Variants in GRM4 observed in about 807,000 individuals in gnomAD.
The protein encoded by GRM4 is glutamate metabotropic receptor 4, also known as metabotropic glutamate receptor 4.
GRM4 carries 28 observed loss-of-function variants against 81.7 expected under a neutral mutation model. The observed-to-expected ratio is 0.34, with a 90% CI of 0.25 to 0.47. The LOEUF (loss-of-function observed/expected upper bound fraction) is 0.47. Among genes scored for constraint, GRM4 ranks in the 20% least tolerant of loss-of-function variants. GRM4 has a pLI of 1.00. For missense variants in GRM4, 948 were observed against 1,290.0 expected (o/e 0.73, Z 4.06); for synonymous variants, 488 against 528.8 (o/e 0.92, Z 1.06).
chr6:34,029,887 G>A (rs1719719651), intron 9 of GRM4, among the ~76,000 whole-genome samples: 2 of 152,230 alleles, frequency 1.3e-5, no homozygotes, highest in Non-Finnish European at 2.9e-5. Context: ...GCAGAGCTCC[G>A]AGGGGAAGGA....
At position 34,026,479 on chromosome 6, in the gene GRM4, G is replaced by GACCCCTCGGTCCCTCCCA. The variant is rs1201090754; in HGVS notation, c.2689+1623_2689+1640dup. 2.0e-5 allele frequency among the ~76,000 whole-genome samples: 3 copies of GACCCCTCGGTCCCTCCCA among 152,246 alleles called. No homozygotes were observed. In the East Asian group the frequency reaches 5.8e-4, roughly 29 times the overall value. ...CCTGCAGGGGGTCTGGGTGACCACA[G>GACCCCTCGGTCCCTCCCA]ACCCCTCGGTCCCTCCCAACCCCAG... On this transcript the variant is annotated intron_variant, in intron 10 of 10. Coordinates refer to ENST00000538487, the MANE Select transcript of GRM4 (RefSeq NM_000841.4).
At chr6:34,129,603 A>C (rs1770157177) in intron 2 of GRM4, among the ~76,000 whole-genome samples, 1 of 152,222 alleles carries the variant, frequency 6.6e-6, no homozygotes, top group Admixed American at 6.5e-5. Context: ...CAGACCTATG[A>C]GTTCCCAGAG....
intron 6 of GRM4, among the ~76,000 whole-genome samples, chr6:34,053,392 C>A (rs1189157671): frequency 6.6e-6 from 1 of 152,178 alleles, no homozygotes; most frequent in Non-Finnish European, 1.5e-5. Flanking sequence ...CCCCTCCCCC[C>A]AGGGTCTCAG....
chr6:34,122,154 G>A (rs116140476), intron 2 of GRM4, among the ~76,000 whole-genome samples: 3,865 of 152,170 alleles, frequency 0.025, 72 homozygotes, highest in African/African-American at 0.057. Flanking sequence ...AGGCCACCAA[G>A]GCTGAGGCTG....
chr6:34,107,791 C>T (rs894126760), intron 2 of GRM4, among the ~76,000 whole-genome samples: 1 of 152,192 alleles, frequency 6.6e-6, no homozygotes, highest in Non-Finnish European at 1.5e-5. Context: ...GAGGCCACTG[C>T]AATGGTCCAG....
At chr6:34,131,639 C>T (rs1040357133) in intron 2 of GRM4, among the ~76,000 whole-genome samples, 4 of 152,204 alleles carry the variant, frequency 2.6e-5, no homozygotes, top group Non-Finnish European at 5.9e-5. Context: ...ACACTGGGAC[C>T]ATCCTTTCCC....
chr6:34,042,165 C>G lies in GRM4; in HGVS notation c.1169-1417G>C, dbSNP rs1562018901. On this transcript the variant is annotated intron_variant, in intron 6 of 10. Coordinates refer to ENST00000538487, the MANE Select transcript of GRM4 (RefSeq NM_000841.4). The surrounding 1 kb of genome is among the most constrained non-coding windows in gnomAD (Gnocchi z 4.2). ...GCTGTAATCCCTGCTACTCAGGAGG[C>G]TGAGGCACAAGGATCACATGAACCC... Among the ~76,000 whole-genome samples, 1 of 152,236 alleles carries G rather than the reference C, an allele frequency of 6.6e-6. No homozygotes were observed. The highest frequency in any genetic ancestry group is 6.5e-5 in the Admixed American group (1 of 15,288).
chr6:34,077,727 T>C (rs978474251), intron 3 of GRM4, among the ~76,000 whole-genome samples: 4 of 152,172 alleles, frequency 2.6e-5, no homozygotes, highest in Non-Finnish European at 5.9e-5. Flanking sequence ...CTGCCTTTGA[T>C]GTCTGATTCA....
chr6:34,041,146 G>A (rs747736208), intron 6 of GRM4, among the ~76,000 whole-genome samples: 1 of 152,140 alleles, frequency 6.6e-6, no homozygotes, highest in Admixed American at 6.5e-5. Context: ...TGCCCCTCTC[G>A]AAGTCTGGGA....
chr6:34,028,243 G>A lies in GRM4; in HGVS notation c.2566C>T (p.Arg856Cys), dbSNP rs376715421. 14 of 1,614,090 alleles carry A rather than the reference G, an allele frequency of 8.7e-6. No homozygotes were observed. Among genetic ancestry groups the A allele is most frequent in the African/African-American group, 6.7e-5 (5 of 75,072 alleles). Residue 856 changes from arginine to cysteine, a missense_variant, in exon 10 of 11, where the codon CGC (arginine) becomes TGC (cysteine). By Grantham distance (180) the Arg-to-Cys change is radical (BLOSUM62 -3). Coordinates refer to ENST00000538487, the MANE Select transcript of GRM4 (RefSeq NM_000841.4). ...LFHPEQNVPK[R>C]KRSLKAVVTA... ...ACGACGGCTTTGAGGCTGCGCTTGC[G>A]CTTGGGCACGTTCTGCTCCGGGTGG...
At chr6:34,151,000 A>T (rs563534723), upstream of GRM4, among the ~76,000 whole-genome samples, 1 of 152,314 alleles carries the variant, frequency 6.6e-6, no homozygotes, top group South Asian at 2.1e-4. Flanking sequence ...ACAGGTCCTG[A>T]CTGTGCCCCT....
Position 34,089,742 on chromosome 6 carries a change from G to A in GRM4, c.736+2141C>T, listed in dbSNP as rs1397411938. ...TTTCTAACCGCCCAATACTTGATTA[G>A]ATGTTGATAAAAAAAAAATTAAACA... On this transcript the variant is annotated intron_variant, in intron 3 of 10. Transcript: ENST00000538487. This position sits in a 1 kb window ranked among gnomAD's most constrained non-coding sequence, Gnocchi z 4.3. 6.6e-6 allele frequency among the ~76,000 whole-genome samples: 1 copy of A among 151,962 alleles called. No homozygotes were observed. The highest frequency in any genetic ancestry group is 1.5e-5 in the Non-Finnish European group (1 of 68,010).
rs774153815 is a variant in GRM4, at chr6:34,115,075, A to C, written c.519+17903T>G. ...ACTGCATCCAGGAGCAGCTGTCCCC[A>C]GATGCTGCTAACCTCTCCTCAGGGG... On this transcript the variant is annotated intron_variant, in intron 2 of 10. Coordinates refer to ENST00000538487, the MANE Select transcript of GRM4 (RefSeq NM_000841.4). This position sits in a 1 kb window ranked among gnomAD's most constrained non-coding sequence, Gnocchi z 4.1. 5.9e-5 allele frequency among the ~76,000 whole-genome samples: 9 copies of C among 152,198 alleles called. No individual in the cohort carries two copies. The highest frequency in any genetic ancestry group is 1.3e-4 in the Non-Finnish European group (9 of 68,034).
exon 1 of GRM4, chr6:34,155,154 C>A: frequency 6.5e-7 from 1 of 1,535,280 alleles, no homozygotes; most frequent in Non-Finnish European, 8.7e-7. Flanking sequence ...GGGCGGCCGC[C>A]CCCTCGGATT....
rs1366012583 is a variant in GRM4 at position 34,034,186 on chromosome 6, A to C, written c.2442+1482T>G. Among the ~76,000 whole-genome samples the C allele has an allele frequency of 1.3e-5, 2 of 152,170 alleles. No homozygotes were observed. The highest frequency in any genetic ancestry group is 2.9e-5 in the Non-Finnish European group (2 of 68,022). On this transcript the variant is annotated intron_variant, in intron 9 of 10. Coordinates refer to ENST00000538487, the MANE Select transcript of GRM4 (RefSeq NM_000841.4). The surrounding 1 kb of genome is among the most constrained non-coding windows in gnomAD (Gnocchi z 4.0). ...GACGTCTAATGAGCATCCCAAACTT[A>C]GCATGTCCAAAGGACCCCTTCTCCT...
rs1014317552 is a variant in GRM4 at position 34,114,169 on chromosome 6, C to T, written c.519+18809G>A. 1.3e-5 allele frequency among the ~76,000 whole-genome samples: 2 copies of T among 152,204 alleles called. No homozygotes were observed. The highest frequency in any genetic ancestry group is 2.4e-5 in the African/African-American group (1 of 41,446). On this transcript the variant is annotated intron_variant, in intron 2 of 10. Coordinates refer to ENST00000538487, the MANE Select transcript of GRM4 (RefSeq NM_000841.4). The surrounding 1 kb of genome is among the most constrained non-coding windows in gnomAD (Gnocchi z 4.3). ...GGCCCTGGGCAGGTCCCCTCCACAG[C>T]ACCTGTCCCCACTCATGTAAGTGAT...
At chr6:34,033,648 G>C (rs1346449160) in intron 9 of GRM4, among the ~76,000 whole-genome samples, 1 of 152,060 alleles carries the variant, frequency 6.6e-6, no homozygotes, top group African/African-American at 2.4e-5. Flanking sequence ...GGCGCTCACA[G>C]CTCGCTCTTT....
At position 34,080,092 on chromosome 6, in the gene GRM4, G is replaced by T. The variant is rs1238255217; in HGVS notation, c.736+11791C>A. Among the ~76,000 whole-genome samples the T allele has an allele frequency of 6.6e-6, 1 of 152,154 alleles. No individual in the cohort carries two copies. Among genetic ancestry groups the T allele is most frequent in the Non-Finnish European group, 1.5e-5 (1 of 68,034 alleles). ...CCTGCCTCCTGGTTATTCTCCAAATGCCGGGCAGGCACCACCTCAGGGCCT... is the reference window on the plus strand; with the variant it reads ...CCTGCCTCCTGGTTATTCTCCAAATTCCGGGCAGGCACCACCTCAGGGCCT... On this transcript the variant is annotated intron_variant, in intron 3 of 10. Transcript: ENST00000538487. The surrounding 1 kb of genome is among the most constrained non-coding windows in gnomAD (Gnocchi z 5.4).
Position 34,069,167 on chromosome 6 carries a change from T to TACACACAC in GRM4, c.737-7147_737-7140dup, listed in dbSNP as rs71000021. On this transcript the variant is annotated intron_variant, in intron 3 of 10. Transcript: ENST00000538487. The surrounding 1 kb of genome is among the most constrained non-coding windows in gnomAD (Gnocchi z 6.4). ...CTACCCCTGGACCCTCATGGGCGTATACACACACACACACACACACACACA... is the reference window on the plus strand; with the variant it reads ...CTACCCCTGGACCCTCATGGGCGTATACACACACACACACACACACACACACACACACA... 6.1e-3 allele frequency among the ~76,000 whole-genome samples: 815 copies of TACACACAC among 134,680 alleles called. 10 individuals carry two copies. Among genetic ancestry groups the TACACACAC allele is most frequent in the East Asian group, 0.038 (159 of 4,166 alleles). 88.4% of individuals were successfully genotyped at this position (134,680 alleles called of 152,430 possible).
Sources: gnomAD v4.1 joint callset for allele counts (sites outside exome capture counted in the v4.1 genomes callset) on GRCh38, gnomAD v4.1.1 for gene constraint, Gnocchi (gnomAD v3.1) non-coding constraint, MANE v1.5 for transcripts, NCBI Gene and HGNC (gene_info 2026-07-23, HGNC 2026-07-21) for gene names.